The following KDM4B variants were observed in gnomAD, a reference collection of about 807,000 sequenced individuals.
KDM4B encodes the protein lysine demethylase 4B.
KDM4B carries 32 observed loss-of-function variants against 125.2 expected under a neutral mutation model. That is an observed-to-expected ratio of 0.26 (90% CI 0.19 to 0.34). The LOEUF is 0.34. KDM4B is among the 10% of genes least tolerant of loss of function. The pLI is 1.00. For missense variants in KDM4B, 1,190 were observed against 1,577.7 expected, an observed-to-expected ratio of 0.75 and a Z score of 4.16; for synonymous variants, 721 against 677.9, an observed-to-expected ratio of 1.06 and a Z score of -0.99.
In KDM4B at chr19:5,110,681, G is replaced by A. The variant is rs1304144691; in HGVS notation, c.978G>A (p.Gln326=). 2 of 1,613,052 alleles carry A rather than the reference G, an allele frequency of 1.2e-6. No individual in the cohort carries two copies. Among genetic ancestry groups the A allele is most frequent in the South Asian group, 2.2e-5 (2 of 91,088 alleles). ...ISMDVFVRIL[Q]PERYELWKQG... ...TGGACGTGTTCGTGCGCATCCTGCA[G>A]CCCGAGCGCTACGAGCTGTGGAAGC... Residue 326 remains glutamine (Q), a synonymous_variant, in exon 10 of 23, where the codon CAG becomes CAA. Transcript: ENST00000159111.
intron 7 of KDM4B, chr19:5,075,125 C>G (rs2038062901): frequency 6.6e-6 from 1 of 152,526 alleles, no homozygotes; most frequent in Non-Finnish European, 1.5e-5. Context: ...TGGTCCACAT[C>G]TGACCCCCGT....
In KDM4B at chr19:4,971,547, G is replaced by T. The variant is rs1402004867; in HGVS notation, c.-109+2317G>T. On this transcript the variant is annotated intron_variant, in intron 1 of 22. Coordinates refer to ENST00000159111, the MANE Select transcript of KDM4B (RefSeq NM_015015.3). This position sits in a 1 kb window ranked among gnomAD's most constrained non-coding sequence, Gnocchi z 4.1. Reference sequence around the variant, plus strand: ...TCTGACACCTGTGGGGACGTGCCTTGGGGTCATGCGTTCACCTGGTCTGGG... The same window carrying T: ...TCTGACACCTGTGGGGACGTGCCTTTGGGTCATGCGTTCACCTGGTCTGGG... Among the ~76,000 whole-genome samples, 2 of 152,194 alleles carry T rather than the reference G, an allele frequency of 1.3e-5. No homozygotes were observed. Among genetic ancestry groups the T allele is most frequent in the African/African-American group, 4.8e-5 (2 of 41,440 alleles).
intron 13 of KDM4B, 123 bp from the exon 14 acceptor site, chr19:5,133,760 A>G (rs1387567418): frequency 7.3e-6 from 7 of 958,482 alleles, no homozygotes; most frequent in Non-Finnish European, 1.1e-5. Context: ...GCTATGGGCC[A>G]GGGACCCTGT....
chr19:5,002,395 CCTTTCCTTTCT>C (rs1381082886), intron 1 of KDM4B, among the ~76,000 whole-genome samples: 1 of 150,994 alleles, frequency 6.6e-6, no homozygotes, highest in Non-Finnish European at 1.5e-5. Context: ...TTTCTCCTTT[CCTTTCCTTTCT>C]CTCTCCTTTC....
At chr19:5,145,635 G>A (rs1245199364) in intron 21 of KDM4B, among the ~76,000 whole-genome samples, 2 of 152,092 alleles carry the variant, frequency 1.3e-5, no homozygotes, top group Non-Finnish European at 2.9e-5. Context: ...GGAATTTTAG[G>A]AGGAGAGCTG....
Position 5,047,538 on chromosome 19 carries a change from C to G in KDM4B, c.495C>G (p.Cys165Trp). Residue 165 changes from cysteine to tryptophan, a missense_variant, in exon 6 of 23, where the codon TGC becomes TGG. Physicochemically the swap from Cys to Trp is radical, Grantham distance 215. Around this residue, in one of 7 missense-constraint regions of KDM4B, gnomAD observed 139 missense variants for 248.3 expected, o/e 0.56. Transcript: ENST00000159111. ...RTILDMVERE[C>W]GTIIEGVNTP... is the part of the protein sequence containing the mutation. Reference sequence around the variant, plus strand: ...TCCTGGACATGGTGGAGCGCGAGTGCGGCACCATCATCGAGGGCGTGAACA... The same window carrying G: ...TCCTGGACATGGTGGAGCGCGAGTGGGGCACCATCATCGAGGGCGTGAACA... 6.2e-7 allele frequency: 1 copy of G among 1,613,782 alleles called. No homozygotes were observed. The highest frequency in any genetic ancestry group is 8.5e-7 in the Non-Finnish European group (1 of 1,179,870).
rs751242277 is a variant in KDM4B at position 5,081,613 on chromosome 19, C to T, written c.781-754C>T. Among the ~76,000 whole-genome samples, 3 of 152,124 alleles carry T rather than the reference C, an allele frequency of 2.0e-5. No homozygotes were observed. Among genetic ancestry groups the T allele is most frequent in the East Asian group, 1.9e-4 (1 of 5,180 alleles). The stretch of plus-strand genomic sequence containing the variant: ...TGCAAAGTCGAATGGGCCGAACATC[C>T]GAATTGGACCTGGGTCTGGAAGCAT... On this transcript the variant is annotated intron_variant, in intron 8 of 22. Coordinates refer to ENST00000159111, the MANE Select transcript of KDM4B (RefSeq NM_015015.3). The surrounding 1 kb of genome is among the most constrained non-coding windows in gnomAD (Gnocchi z 4.2).
At chr19:5,151,257 T>C (rs2039941913) in intron 22 of KDM4B, 78 bp from the exon 23 acceptor site, 1 of 1,242,416 alleles carries the variant, frequency 8.0e-7, no homozygotes, top group Non-Finnish European at 1.0e-6. Context: ...CCAGCTCCTC[T>C]CAGAGGCCAT....
At chr19:4,978,120 A>G (rs1394186356) in intron 1 of KDM4B, among the ~76,000 whole-genome samples, 1 of 152,064 alleles carries the variant, frequency 6.6e-6, no homozygotes, top group African/African-American at 2.4e-5. Flanking sequence ...AAGCCTCTGG[A>G]ATTTCAACTC....
chr19:5,008,253 A>G (rs1599402170), intron 1 of KDM4B, among the ~76,000 whole-genome samples: 1 of 152,168 alleles, frequency 6.6e-6, no homozygotes, highest in Non-Finnish European at 1.5e-5. Context: ...TCCCAGCACT[A>G]TTTGTTGAAA....
intron 10 of KDM4B, among the ~76,000 whole-genome samples, chr19:5,116,793 A>G (rs551908756): frequency 6.6e-6 from 1 of 152,336 alleles, no homozygotes; most frequent in South Asian, 2.1e-4. Flanking sequence ...TTTATGGGGC[A>G]TAAAAGCGTA....
chr19:5,130,768 C>A (rs558514575), intron 11 of KDM4B, among the ~76,000 whole-genome samples: 19 of 152,252 alleles, frequency 1.2e-4, no homozygotes, highest in Non-Finnish European at 2.6e-4. Context: ...CGCGTCTCCT[C>A]ACCTCCCGTG....
At chr19:4,975,336 G>T (rs1328069120) in intron 1 of KDM4B, among the ~76,000 whole-genome samples, 1 of 152,088 alleles carries the variant, frequency 6.6e-6, no homozygotes, top group African/African-American at 2.4e-5. Flanking sequence ...TACATTATAA[G>T]ACATTTTTCT....
intron 15 of KDM4B, among the ~76,000 whole-genome samples, chr19:5,136,708 G>A (rs1322170925): frequency 6.6e-6 from 1 of 152,166 alleles, no homozygotes; most frequent in East Asian, 1.9e-4. Flanking sequence ...CTCTTCAGTG[G>A]GCCATCAGCA....
At chr19:4,977,329 G>A (rs2034482224) in intron 1 of KDM4B, among the ~76,000 whole-genome samples, 3 of 152,210 alleles carry the variant, frequency 2.0e-5, no homozygotes, top group Admixed American at 6.5e-5. Context: ...TCAAGACCCC[G>A]AGGGCTCTCA....
intron 1 of KDM4B, among the ~76,000 whole-genome samples, chr19:5,010,647 T>C (rs1360417323): frequency 6.6e-6 from 1 of 152,190 alleles, no homozygotes; most frequent in Non-Finnish European, 1.5e-5. Flanking sequence ...AGTTGCATTT[T>C]ATTTATTTAT....
intron 9 of KDM4B, among the ~76,000 whole-genome samples, chr19:5,094,135 C>T (rs2038769921): frequency 6.6e-6 from 1 of 152,192 alleles, no homozygotes; most frequent in Non-Finnish European, 1.5e-5. Flanking sequence ...GGTCACGCGG[C>T]CCCTCCTCCC....
At chr19:5,075,028 G>C (rs1048459134) in intron 7 of KDM4B, 3 of 152,410 alleles carry the variant, frequency 2.0e-5, no homozygotes, top group African/African-American at 7.2e-5. Context: ...AGGCGCAGCC[G>C]GGAGAGAGCC....
intron 6 of KDM4B, among the ~76,000 whole-genome samples, chr19:5,049,047 G>C (rs957075585): frequency 6.6e-6 from 1 of 152,134 alleles, no homozygotes; most frequent in African/African-American, 2.4e-5. Context: ...TGGGCTGGGG[G>C]AGACCCTGGG....
Sources: gnomAD v4.1 joint callset for allele counts (sites outside exome capture counted in the v4.1 genomes callset) on GRCh38, gnomAD v4.1.1 for gene constraint, gnomAD v4.1.1 regional missense constraint, Gnocchi (gnomAD v3.1) non-coding constraint, MANE v1.5 for transcripts, NCBI Gene and HGNC (gene_info 2026-07-23, HGNC 2026-07-21) for gene names.